NRG1: variants seen among roughly 807,000 people sequenced by gnomAD.
NRG1 encodes the protein pro-neuregulin-1, membrane-bound isoform.
A neutral mutation model predicts 63.8 loss-of-function variants in NRG1; 18 were observed. The ratio of observed to expected loss-of-function variants is 0.28; its 90% CI spans 0.19 to 0.42. The LOEUF is 0.42. Among genes scored for constraint, NRG1 ranks in the 10% least tolerant of loss-of-function variants. The pLI, the probability that NRG1 is intolerant of heterozygous loss-of-function variation, is 1.00. For synonymous variants in NRG1, 302 were observed against 301.3 expected (o/e 1.00, Z -0.02); for missense variants, 762 against 814.7 (o/e 0.94, Z 0.79).
rs191062681 is a variant in NRG1, at chr8:31,948,272, G to A, written c.37+308841G>A. Among the ~76,000 whole-genome samples the A allele has an allele frequency of 1.2e-4, 19 of 152,026 alleles. No homozygotes were observed. The East Asian group carries it at 2.9e-3, about 23-fold the overall frequency. The stretch of plus-strand genomic sequence containing the variant: ...CACTTTAGCTATAGAGCTTTTCCTT[G>A]TTGAACAATGTAGTTTTCTTGCTCA... On this transcript the variant is annotated intron_variant, in intron 1 of 10. Transcript: ENST00000519301.
intron 1 of NRG1, among the ~76,000 whole-genome samples, chr8:32,216,050 A>G (rs1303562466): frequency 6.6e-6 from 1 of 151,916 alleles, no homozygotes; most frequent in South Asian, 2.1e-4. Flanking sequence ...CAAAAAAAAA[A>G]GAAAAATAAA....
intron 1 of NRG1, among the ~76,000 whole-genome samples, chr8:31,961,869 T>A (rs1805513602): frequency 6.6e-6 from 1 of 152,160 alleles, no homozygotes; most frequent in South Asian, 2.1e-4. Context: ...CAACACATAA[T>A]AAAAGATAAA....
chr8:32,181,623 T>A (rs1841437139), intron 1 of NRG1, among the ~76,000 whole-genome samples: 2 of 152,226 alleles, frequency 1.3e-5, no homozygotes, highest in Non-Finnish European at 2.9e-5. Context: ...TAATAAGAGA[T>A]GTGCTTCCAG....
At chr8:31,800,249 C>T (rs1485111161) in intron 1 of NRG1, among the ~76,000 whole-genome samples, 2 of 152,060 alleles carry the variant, frequency 1.3e-5, no homozygotes, top group South Asian at 2.1e-4. Context: ...ATTCTAATAT[C>T]CACAAATGTG....
chr8:32,209,292 A>T (rs1311405348), intron 1 of NRG1, among the ~76,000 whole-genome samples: 1 of 152,142 alleles, frequency 6.6e-6, no homozygotes, highest in African/African-American at 2.4e-5. Context: ...TAATACTAAC[A>T]TTCTGGTTTT....
At chr8:32,006,939 A>G (rs1813875458) in intron 1 of NRG1, among the ~76,000 whole-genome samples, 1 of 151,990 alleles carries the variant, frequency 6.6e-6, no homozygotes, top group African/African-American at 2.4e-5. Flanking sequence ...TCAGTAATAT[A>G]GAGGCAGACA....
chr8:32,438,941 G>T (rs1372657033), intron 1 of NRG1, among the ~76,000 whole-genome samples: 1 of 151,946 alleles, frequency 6.6e-6, no homozygotes, highest in Non-Finnish European at 1.5e-5. Flanking sequence ...TCCTTTGTCG[G>T]ATATGTGATT....
chr8:32,203,384 TA>T (rs538217201), intron 1 of NRG1, among the ~76,000 whole-genome samples: 2 of 151,096 alleles, frequency 1.3e-5, no homozygotes, highest in Admixed American at 1.3e-4. Flanking sequence ...TTTATTCACT[TA>T]TTTTTTTTTT....
intron 1 of NRG1, among the ~76,000 whole-genome samples, chr8:31,921,577 C>T (rs1338778654): frequency 6.6e-6 from 1 of 152,168 alleles, no homozygotes; most frequent in East Asian, 1.9e-4. Context: ...CCATCCTTCC[C>T]TCTGACCTCT....
chr8:32,713,531 C>T (rs2128987422), intron 5 of NRG1, among the ~76,000 whole-genome samples: 1 of 151,124 alleles, frequency 6.6e-6, no homozygotes, highest in East Asian at 1.9e-4. Context: ...CATTTCCTGC[C>T]TGCTCTCTCC....
chr8:32,491,837 TAC>T (rs1210600599), intron 1 of NRG1, among the ~76,000 whole-genome samples: 2 of 152,220 alleles, frequency 1.3e-5, no homozygotes, highest in East Asian at 1.9e-4. Flanking sequence ...CAAAGGGATA[TAC>T]ACAGAGGCTG....
intron 1 of NRG1, among the ~76,000 whole-genome samples, chr8:32,334,170 A>T (rs1802975134): frequency 6.6e-6 from 1 of 152,194 alleles, no homozygotes; most frequent in African/African-American, 2.4e-5. Flanking sequence ...TTGGAATATG[A>T]CCTTTTCATC....
In NRG1 at chr8:31,906,499, C is replaced by T. The variant is rs561881770; in HGVS notation, c.37+267068C>T. The stretch of plus-strand genomic sequence containing the variant: ...TAGAGTTCCCGATTTTGCAGCCTGC[C>T]ATCACCTCACCTAAGACTGAACAGA... On this transcript the variant is annotated intron_variant, in intron 1 of 10. Transcript: ENST00000519301. Among the ~76,000 whole-genome samples, 7 of 152,280 alleles carry T rather than the reference C, an allele frequency of 4.6e-5. No individual in the cohort carries two copies. The South Asian group carries it at 1.4e-3, about 32-fold the overall frequency.
At chr8:32,233,150 G>GGAGT (rs1847135609) in intron 1 of NRG1, among the ~76,000 whole-genome samples, 1 of 152,070 alleles carries the variant, frequency 6.6e-6, no homozygotes, top group Non-Finnish European at 1.5e-5. Flanking sequence ...TGCCCATGCT[G>GGAGT]GAGTGCAGTG....
intron 1 of NRG1, among the ~76,000 whole-genome samples, chr8:32,465,674 G>A (rs1219363906): frequency 1.3e-5 from 2 of 152,168 alleles, no homozygotes; most frequent in African/African-American, 4.8e-5. Flanking sequence ...ATTATTTCGG[G>A]AAATTGCTCT....
chr8:31,813,814 A>G (rs13255030), intron 1 of NRG1, among the ~76,000 whole-genome samples: 55,173 of 151,960 alleles, frequency 0.36, 11,545 homozygotes, highest in East Asian at 0.8. Context: ...GGTGTGAGCC[A>G]TCATGCCTGG....
At chr8:32,514,208 G>A (rs1478621459) in intron 1 of NRG1, among the ~76,000 whole-genome samples, 5 of 152,026 alleles carry the variant, frequency 3.3e-5, no homozygotes, top group African/African-American at 7.2e-5. Context: ...AGTCTTTTCC[G>A]AAAATGCAAA....
rs1855117385 is a variant in NRG1, at chr8:32,651,503, C to G, written c.502+34618C>G. Reference sequence around the variant, plus strand: ...CAAACTTAGATTATCATAAAAAGAGCTGATTAATTAAATTATAGCCAGGAA... The same window carrying G: ...CAAACTTAGATTATCATAAAAAGAGGTGATTAATTAAATTATAGCCAGGAA... On this transcript the variant is annotated intron_variant, in intron 5 of 11. Coordinates refer to ENST00000356819, the Ensembl canonical transcript of NRG1. Among the ~76,000 whole-genome samples, 3 of 152,126 alleles carry G rather than the reference C, an allele frequency of 2.0e-5. No individual in the cohort carries two copies. The South Asian group carries it at 6.2e-4, about 32-fold the overall frequency.
intron 5 of NRG1, among the ~76,000 whole-genome samples, chr8:32,659,129 A>G (rs928370703): frequency 3.4e-5 from 5 of 145,038 alleles, no homozygotes; most frequent in Admixed American, 7.3e-5. Context: ...GCAGTAATAA[A>G]TCTTTTCTTT....
Sources: gnomAD v4.1 joint callset for allele counts (sites outside exome capture counted in the v4.1 genomes callset) on GRCh38, gnomAD v4.1.1 for gene constraint, MANE v1.5 for transcripts, NCBI Gene and HGNC (gene_info 2026-07-23, HGNC 2026-07-21) for gene names.